Variants in PIK3C2G observed in about 807,000 individuals in gnomAD.
PIK3C2G encodes phosphatidylinositol 3-kinase C2 domain-containing subunit gamma.
Under a neutral mutation model 181.1 loss-of-function variants are expected in PIK3C2G, and 168 were observed. The ratio of observed to expected loss-of-function variants is 0.93; its 90% confidence interval spans 0.82 to 1.05. The LOEUF (loss-of-function observed/expected upper bound fraction) is 1.05. PIK3C2G is among the 50% of genes least tolerant of loss of function. The probability of loss-of-function intolerance (pLI) is 0.00; values close to 1 mark genes in which losing one functional copy is unlikely to be tolerated. For missense variants in PIK3C2G, 1,869 were observed against 1,732.8 expected, an observed-to-expected ratio of 1.08 and a Z score of -1.40; for synonymous variants, 573 against 592.2, an observed-to-expected ratio of 0.97 and a Z score of 0.47.
At chr12:18,619,090 A>G (rs1948730730) in intron 31 of PIK3C2G, among the ~76,000 whole-genome samples, 1 of 150,836 alleles carries the variant, frequency 6.6e-6, no homozygotes, top group Admixed American at 6.6e-5. Flanking sequence ...TATATTATAT[A>G]TTATTTAATT....
intron 23 of PIK3C2G, 120 bp downstream of exon 23, chr12:18,503,537 G>A: frequency 5.0e-6 from 3 of 603,588 alleles, no homozygotes; most frequent in East Asian, 3.2e-5. Flanking sequence ...AATTCAATCA[G>A]CCCAGTAATT....
intron 1 of PIK3C2G, among the ~76,000 whole-genome samples, chr12:18,250,167 A>T (rs147087936): frequency 2.6e-5 from 4 of 152,166 alleles, no homozygotes; most frequent in Non-Finnish European, 5.9e-5. Flanking sequence ...TGTTCTTATT[A>T]TGGTGAAAAT....
At chr12:18,714,464 G>A in the PIK3C2G span, among the ~76,000 whole-genome samples, 10 of 152,146 alleles carry the variant, frequency 6.6e-5, no homozygotes. Context: ...CTGTAGAGAT[G>A]TAAGAAGAGA....
chr12:18,329,941 G>A (rs190464071), intron 8 of PIK3C2G, among the ~76,000 whole-genome samples: 1 of 151,968 alleles, frequency 6.6e-6, no homozygotes, highest in Non-Finnish European at 1.5e-5. Context: ...TCATAAATTT[G>A]TCTTTACCTT....
At chr12:18,514,499 T>C (rs1404813213) in intron 24 of PIK3C2G, among the ~76,000 whole-genome samples, 1 of 151,940 alleles carries the variant, frequency 6.6e-6, no homozygotes, top group East Asian at 1.9e-4. Context: ...TACTTTTTTG[T>C]GACCATTGTA....
chr12:18,454,359 C>A (rs1947517993), intron 18 of PIK3C2G, among the ~76,000 whole-genome samples: 2 of 152,090 alleles, frequency 1.3e-5, no homozygotes, highest in African/African-American at 4.8e-5. Context: ...ATTTGAAAAG[C>A]ACTGGAGTAA....
chr12:18,364,378 T>C (rs1160003690), intron 12 of PIK3C2G, among the ~76,000 whole-genome samples: 2 of 152,226 alleles, frequency 1.3e-5, no homozygotes, highest in Non-Finnish European at 2.9e-5. Context: ...TCCTGTATCA[T>C]TGGGCAAAAT....
intron 9 of PIK3C2G, among the ~76,000 whole-genome samples, chr12:18,342,842 T>G (rs1248507569): frequency 2.6e-5 from 4 of 152,034 alleles, no homozygotes; most frequent in African/African-American, 4.8e-5. Context: ...TTTTTTCAAG[T>G]GTTAGACTAT....
the PIK3C2G span, among the ~76,000 whole-genome samples, chr12:18,666,666 G>T: frequency 6.6e-6 from 1 of 152,130 alleles, no homozygotes; most frequent in Non-Finnish European, 1.5e-5. Flanking sequence ...CTAGACGAAA[G>T]ACAGAGAAAT....
chr12:18,314,937 C>T (rs908526378), intron 6 of PIK3C2G, among the ~76,000 whole-genome samples: 9 of 152,144 alleles, frequency 5.9e-5, no homozygotes, highest in African/African-American at 1.7e-4. Context: ...TGTGCTTTGA[C>T]GATACAGTTT....
chr12:18,286,104 A>T (rs1949432682), intron 2 of PIK3C2G, among the ~76,000 whole-genome samples: 1 of 152,016 alleles, frequency 6.6e-6, no homozygotes, highest in Non-Finnish European at 1.5e-5. Flanking sequence ...TAATGCTAAA[A>T]TGGTCAATCA....
At chr12:18,568,754 G>A (rs1460649891) in intron 29 of PIK3C2G, among the ~76,000 whole-genome samples, 1 of 152,168 alleles carries the variant, frequency 6.6e-6, no homozygotes, top group Admixed American at 6.6e-5. Flanking sequence ...ACCCAGCCAA[G>A]TTGACAGACA....
intron 5 of PIK3C2G, among the ~76,000 whole-genome samples, chr12:18,300,334 A>G (rs116304878): frequency 0.017 from 2,517 of 152,100 alleles, 65 homozygotes; most frequent in African/African-American, 0.057. Context: ...GAATAGTTAT[A>G]TGCTCTTGCT....
chr12:18,482,396 G>A (rs186272056), intron 18 of PIK3C2G, among the ~76,000 whole-genome samples: 23 of 152,194 alleles, frequency 1.5e-4, no homozygotes, highest in African/African-American at 5.5e-4. Flanking sequence ...TGGGTTCACG[G>A]TCAAAGCTGG....
At position 18,381,881 on chromosome 12, in the gene PIK3C2G, G is replaced by GT. The variant is rs1239472763; in HGVS notation, c.1995+2dup. 1 of 1,561,338 alleles carries GT rather than the reference G, an allele frequency of 6.4e-7. No homozygotes were observed. The highest frequency in any genetic ancestry group is 8.8e-7 in the Non-Finnish European group (1 of 1,132,018). ...TCAGCCATCCCCGGTGACCCTGCAG[G>GT]TAAGTGCCAGGCTAAAAGATTAAAG... is the stretch of plus-strand genomic sequence containing the variant. On this transcript the variant is annotated splice_donor_variant, in intron 14 of 32. Transcript: ENST00000538779. LOFTEE classifies it high-confidence loss of function.
At chr12:18,363,951 C>G (rs1031392631) in intron 12 of PIK3C2G, among the ~76,000 whole-genome samples, 1 of 152,106 alleles carries the variant, frequency 6.6e-6, no homozygotes, top group Non-Finnish European at 1.5e-5. Flanking sequence ...TTCCTTTGAC[C>G]AAAGACCTGA....
At chr12:18,528,217 T>C (rs186439912) in intron 24 of PIK3C2G, among the ~76,000 whole-genome samples, 44 of 152,320 alleles carry the variant, frequency 2.9e-4, no homozygotes, top group Non-Finnish European at 5.1e-4. Flanking sequence ...GTGTTCTTTC[T>C]GCTGAACAGC....
intron 30 of PIK3C2G, among the ~76,000 whole-genome samples, chr12:18,606,079 AGT>A (rs1192682354): frequency 6.6e-6 from 1 of 152,148 alleles, no homozygotes; most frequent in African/African-American, 2.4e-5. Flanking sequence ...TTGACTACTG[AGT>A]GTCAATTCCT....
chr12:18,340,607 C>G (rs1000174299), intron 9 of PIK3C2G, among the ~76,000 whole-genome samples: 1 of 152,092 alleles, frequency 6.6e-6, no homozygotes, highest in Non-Finnish European at 1.5e-5. Context: ...ATTACAAGCT[C>G]CAAGAGCTGA....
Sources: allele counts gnomAD v4.1 joint callset (sites outside exome capture counted in the v4.1 genomes callset), GRCh38; gene constraint gnomAD v4.1.1; transcripts MANE v1.5; gene names NCBI Gene and HGNC (gene_info 2026-07-23, HGNC 2026-07-21).